The following SNTG1 variants were observed in gnomAD, a reference collection of about 807,000 sequenced individuals.
SNTG1 encodes syntrophin gamma 1.
In SNTG1, 39 loss-of-function variants were observed where a neutral mutation model predicts 74.7. The ratio of observed to expected loss-of-function variants is 0.52; its 90% CI spans 0.40 to 0.68. The LOEUF (loss-of-function observed/expected upper bound fraction) is 0.68. SNTG1 is among the 30% of genes least tolerant of loss of function. The pLI is 0.00. For missense variants in SNTG1, 685 were observed against 609.5 expected (o/e 1.12, Z -1.30); for synonymous variants, 254 against 217.1 (o/e 1.17, Z -1.49).
intron 2 of SNTG1, among the ~76,000 whole-genome samples, chr8:50,312,307 A>T (rs578090958): frequency 3.7e-4 from 57 of 152,220 alleles, no homozygotes; most frequent in African/African-American, 1.2e-3. Context: ...TCTTATTTCC[A>T]AGGAGAGGGA....
intron 1 of SNTG1, among the ~76,000 whole-genome samples, chr8:49,939,895 C>T (rs1277321540): frequency 1.3e-5 from 2 of 151,850 alleles, no homozygotes; most frequent in Non-Finnish European, 2.9e-5. Flanking sequence ...TCTTTTCTGC[C>T]TTTTACTTAA....
At chr8:50,569,973 A>G (rs2094537625) in intron 12 of SNTG1, among the ~76,000 whole-genome samples, 1 of 152,178 alleles carries the variant, frequency 6.6e-6, no homozygotes, top group Non-Finnish European at 1.5e-5. Flanking sequence ...CAGATTCTTA[A>G]CAATCATATT....
At chr8:50,459,570 T>G (rs116095737) in intron 8 of SNTG1, among the ~76,000 whole-genome samples, 1,621 of 152,260 alleles carry the variant, frequency 0.011, 36 homozygotes, top group African/African-American at 0.037. Flanking sequence ...GTGCAGGTTT[T>G]TTACCTGGGT....
At chr8:50,101,232 C>A (rs1314676358) in intron 1 of SNTG1, among the ~76,000 whole-genome samples, 1 of 151,978 alleles carries the variant, frequency 6.6e-6, no homozygotes, top group Non-Finnish European at 1.5e-5. Flanking sequence ...AATAGGGCTG[C>A]AATGAACATA....
chr8:50,204,843 G>A (rs1194420422), intron 2 of SNTG1, among the ~76,000 whole-genome samples: 1 of 152,064 alleles, frequency 6.6e-6, no homozygotes, highest in African/African-American at 2.4e-5. Context: ...CCTTGTGAGA[G>A]TTTGCTGAGA....
At chr8:50,274,079 TTTGTTG>T in intron 2 of SNTG1, among the ~76,000 whole-genome samples, 1 of 152,028 alleles carries the variant, frequency 6.6e-6, no homozygotes, top group East Asian at 1.9e-4. Flanking sequence ...TGTGTCAGTT[TTTGTTG>T]TTGTTGTTGT....
intron 11 of SNTG1, among the ~76,000 whole-genome samples, chr8:50,538,326 A>T (rs1272480314): frequency 6.6e-6 from 1 of 152,156 alleles, no homozygotes; most frequent in Non-Finnish European, 1.5e-5. Flanking sequence ...AATCCATTAT[A>T]CTTAACCCAA....
intron 9 of SNTG1, among the ~76,000 whole-genome samples, chr8:50,513,155 G>A (rs2094099138): frequency 6.6e-6 from 1 of 152,152 alleles, no homozygotes; most frequent in Non-Finnish European, 1.5e-5. Context: ...TCAGCTGCTG[G>A]TCTGTTGGAG....
At chr8:49,991,412 C>A (rs771578846) in intron 1 of SNTG1, among the ~76,000 whole-genome samples, 11 of 152,274 alleles carry the variant, frequency 7.2e-5, no homozygotes, top group Admixed American at 2.0e-4. Context: ...ACTGTGACCA[C>A]ACAACCTAGG....
At chr8:50,570,451 G>C (rs2094541944) in intron 12 of SNTG1, among the ~76,000 whole-genome samples, 1 of 148,596 alleles carries the variant, frequency 6.7e-6, no homozygotes, top group Non-Finnish European at 1.5e-5. Context: ...CAGAGACGGG[G>C]TTTCACCATA....
intron 1 of SNTG1, among the ~76,000 whole-genome samples, chr8:50,074,700 G>C (rs776478243): frequency 6.6e-5 from 10 of 152,284 alleles, no homozygotes; most frequent in Middle Eastern, 3.4e-3. Context: ...AGAGGTGACC[G>C]TGCTGGCAGC....
intron 15 of SNTG1, among the ~76,000 whole-genome samples, chr8:50,687,826 G>GT (rs1242148512): frequency 3.9e-5 from 6 of 152,044 alleles, no homozygotes; most frequent in Admixed American, 3.3e-4. Context: ...ACAGTGTTTG[G>GT]TTTTTTGTCC....
intron 2 of SNTG1, among the ~76,000 whole-genome samples, chr8:50,270,432 T>G (rs561904974): frequency 2.0e-5 from 3 of 152,324 alleles, no homozygotes; most frequent in Middle Eastern, 6.8e-3. Context: ...ATAACTCTCT[T>G]ATCATCTTGC....
intron 1 of SNTG1, among the ~76,000 whole-genome samples, chr8:50,061,148 A>G (rs779652077): frequency 6.6e-6 from 1 of 152,182 alleles, no homozygotes; most frequent in Non-Finnish European, 1.5e-5. Flanking sequence ...AATGTTGTGT[A>G]GAATTCAAAA....
intron 15 of SNTG1, among the ~76,000 whole-genome samples, chr8:50,697,542 G>C (rs1157177192): frequency 3.3e-5 from 5 of 152,126 alleles, no homozygotes; most frequent in Admixed American, 1.3e-4. Flanking sequence ...TCCATTTTCA[G>C]TATGATGTTG....
At chr8:50,565,976 C>T (rs889701631) in intron 12 of SNTG1, among the ~76,000 whole-genome samples, 12 of 151,634 alleles carry the variant, frequency 7.9e-5, no homozygotes, top group East Asian at 1.9e-4. Context: ...TATTTTTTTA[C>T]GGAAATTTTC....
chr8:50,174,008 C>A (rs762079474), intron 2 of SNTG1, among the ~76,000 whole-genome samples: 4 of 152,078 alleles, frequency 2.6e-5, no homozygotes, highest in Non-Finnish European at 5.9e-5. Context: ...TCCCAAAAGG[C>A]CCTGGTGTGT....
At chr8:50,336,886 A>T (rs1206250924) in intron 2 of SNTG1, among the ~76,000 whole-genome samples, 1 of 152,146 alleles carries the variant, frequency 6.6e-6, no homozygotes, top group Non-Finnish European at 1.5e-5. Flanking sequence ...GAACCCATAG[A>T]TTGTGGCCAT....
chr8:50,269,571 C>A (rs1461269035), intron 2 of SNTG1, among the ~76,000 whole-genome samples: 3 of 152,032 alleles, frequency 2.0e-5, no homozygotes, highest in Non-Finnish European at 4.4e-5. Context: ...AATTATGTGC[C>A]AGCAAAATTG....
Sources: gnomAD v4.1 joint callset for allele counts (sites outside exome capture counted in the v4.1 genomes callset) on GRCh38, gnomAD v4.1.1 for gene constraint, MANE v1.5 for transcripts, NCBI Gene and HGNC (gene_info 2026-07-23, HGNC 2026-07-21) for gene names.